ENTREP2: variants seen among roughly 807,000 people sequenced by gnomAD.
The protein encoded by ENTREP2 is protein ENTREP2.
chr15:29,249,992 G>A, the ENTREP2 span, among the ~76,000 whole-genome samples: 22 of 152,230 alleles, frequency 1.4e-4, no homozygotes, highest in Middle Eastern at 6.8e-3. Context: ...GGGCAGCACC[G>A]AGGGAATGGT....
At chr15:29,269,698 T>G in the ENTREP2 span, 11 of 1,544,066 alleles carry the variant, frequency 7.1e-6, no homozygotes, top group Non-Finnish European at 8.7e-7. Flanking sequence ...CCTCGGTTTT[T>G]GCAACATGTC....
At chr15:29,630,935 G>C in the ENTREP2 span, among the ~76,000 whole-genome samples, 1 of 152,140 alleles carries the variant, frequency 6.6e-6, no homozygotes, top group Non-Finnish European at 1.5e-5. Flanking sequence ...CCCCGCCTCG[G>C]CCTCTCAAAA....
chr15:29,120,211 C>G, the ENTREP2 span: 1 of 152,274 alleles, frequency 6.6e-6, no homozygotes, highest in Admixed American at 6.5e-5. Context: ...TACACAGCCT[C>G]TCAGCCTGCC....
chr15:29,253,837 G>A, the ENTREP2 span, among the ~76,000 whole-genome samples: 2 of 152,014 alleles, frequency 1.3e-5, no homozygotes, highest in South Asian at 2.1e-4. Flanking sequence ...GTCTCACTCT[G>A]TCATTTTTTC....
At chr15:29,377,279 T>C in the ENTREP2 span, among the ~76,000 whole-genome samples, 1 of 152,136 alleles carries the variant, frequency 6.6e-6, no homozygotes, top group Non-Finnish European at 1.5e-5. Context: ...ACACGTCATC[T>C]GGAAAACCTC....
At chr15:29,567,325 C>T in the ENTREP2 span, among the ~76,000 whole-genome samples, 1 of 152,194 alleles carries the variant, frequency 6.6e-6, no homozygotes. Flanking sequence ...CCTTAAATTT[C>T]TCTTGTATCT....
At chr15:29,228,860 C>T in the ENTREP2 span, among the ~76,000 whole-genome samples, 2 of 151,916 alleles carry the variant, frequency 1.3e-5, no homozygotes, top group Admixed American at 6.6e-5. Context: ...GATTCAAAGC[C>T]CAAATAGATC....
the ENTREP2 span, among the ~76,000 whole-genome samples, chr15:29,251,145 T>A: frequency 1.1e-4 from 17 of 152,100 alleles, no homozygotes; most frequent in Admixed American, 1.0e-3. Flanking sequence ...AATTCAGCAA[T>A]CACTTCTCAG....
the ENTREP2 span, among the ~76,000 whole-genome samples, chr15:29,271,211 C>T: frequency 6.6e-6 from 1 of 152,098 alleles, no homozygotes. Flanking sequence ...ATGACAAAGG[C>T]CTACTATGAA....
At chr15:29,364,221 T>G in the ENTREP2 span, among the ~76,000 whole-genome samples, 1 of 152,162 alleles carries the variant, frequency 6.6e-6, no homozygotes, top group African/African-American at 2.4e-5. Context: ...GATTATGCCT[T>G]ACTAAGGCAT....
At chr15:29,385,930 C>T in the ENTREP2 span, among the ~76,000 whole-genome samples, 61 of 152,264 alleles carry the variant, frequency 4.0e-4, no homozygotes, top group South Asian at 1.5e-3. Context: ...CCAACAGACA[C>T]CAGCAGACAC....
the ENTREP2 span, chr15:29,233,803 C>T: frequency 6.4e-7 from 1 of 1,568,066 alleles, no homozygotes. Context: ...CAACAGACTG[C>T]CTTTGTTCAC....
the ENTREP2 span, among the ~76,000 whole-genome samples, chr15:29,546,161 G>A: frequency 6.6e-6 from 1 of 152,136 alleles, no homozygotes; most frequent in Non-Finnish European, 1.5e-5. Context: ...AAAATAGAAA[G>A]CCTGAAATGG....
chr15:29,534,142 G>GAT, the ENTREP2 span, among the ~76,000 whole-genome samples: 1 of 130,220 alleles, frequency 7.7e-6, no homozygotes, highest in Non-Finnish European at 1.6e-5. Flanking sequence ...AAAAAAGAAG[G>GAT]ATATGTAGCC....
At chr15:29,643,521 G>A in the ENTREP2 span, among the ~76,000 whole-genome samples, 2 of 152,174 alleles carry the variant, frequency 1.3e-5, no homozygotes, top group Admixed American at 6.5e-5. Context: ...AGTGGCTCAC[G>A]CCTGTAATCC....
the ENTREP2 span, among the ~76,000 whole-genome samples, chr15:29,284,474 T>C: frequency 6.6e-6 from 1 of 151,418 alleles, no homozygotes; most frequent in Non-Finnish European, 1.5e-5. Context: ...GGAGAATCGC[T>C]TGAACCCAGG....
At chr15:29,233,076 A>C in the ENTREP2 span, among the ~76,000 whole-genome samples, 1 of 152,212 alleles carries the variant, frequency 6.6e-6, no homozygotes, top group Non-Finnish European at 1.5e-5. Context: ...TGCTAGTAAT[A>C]AAGCTTGATA....
At chr15:29,151,812 G>A in the ENTREP2 span, 982 of 1,551,536 alleles carry the variant, frequency 6.3e-4, 4 homozygotes, top group Middle Eastern at 3.7e-3. Flanking sequence ...TGGACAGGAC[G>A]TTGAGGGCAC....
the ENTREP2 span, among the ~76,000 whole-genome samples, chr15:29,533,350 C>T: frequency 6.6e-6 from 1 of 152,094 alleles, no homozygotes; most frequent in African/African-American, 2.4e-5. Flanking sequence ...AGACTTATGA[C>T]CAGAAAGAGG....
Sources: gnomAD v4.1 joint callset for allele counts (sites outside exome capture counted in the v4.1 genomes callset) on GRCh38, gnomAD v4.1.1 for gene constraint, MANE v1.5 for transcripts, NCBI Gene and HGNC (gene_info 2026-07-23, HGNC 2026-07-21) for gene names.